BCO2: variants seen among roughly 807,000 people sequenced by gnomAD.
The protein encoded by BCO2 is beta-carotene oxygenase 2, also known as carotenoid-cleaving dioxygenase, mitochondrial.
In BCO2, 56 loss-of-function variants were observed where a neutral mutation model predicts 65.8. That is an observed-to-expected ratio of 0.85 (90% CI 0.69 to 1.06). The LOEUF (loss-of-function observed/expected upper bound fraction) is 1.06. Ranked by LOEUF, BCO2 falls within the 50% of genes least tolerant of loss-of-function variation. The pLI is 0.00. For missense variants in BCO2, 675 were observed against 698.5 expected (o/e 0.97, Z 0.38); for synonymous variants, 233 against 242.3 (o/e 0.96, Z 0.36).
At chr11:112,175,859 T>C (rs1866868739) in intron 1 of BCO2, 170 bp downstream of exon 1, 1 of 539,360 alleles carries the variant, frequency 1.9e-6, no homozygotes, top group African/African-American at 1.9e-5. Context: ...GAAGGCTGAG[T>C]TAGGATTGTT....
rs1867678387 is a variant in BCO2, at chr11:112,199,735, A to G, written c.773A>G (p.Lys258Arg). 3.1e-6 allele frequency: 5 copies of G among 1,613,710 alleles called. No individual in the cohort carries two copies. Among genetic ancestry groups the G allele is most frequent in the Non-Finnish European group, 4.2e-6 (5 of 1,179,722 alleles). Reference protein sequence around the residue: ...SYKVIRVPPEKVDLGETIHGV... With the variant: ...SYKVIRVPPERVDLGETIHGV... ...AAGGTTATTCGGGTTCCTCCAGAGAAGGTGGACCTTGGGGAGACAATCCAT... is the reference window on the plus strand; with the variant it reads ...AAGGTTATTCGGGTTCCTCCAGAGAGGGTGGACCTTGGGGAGACAATCCAT... The change falls in exon 6 of 12, where the codon AAG becomes AGG. Residue 258 changes from lysine (K) to arginine (R), a missense_variant. By Grantham distance (26) the Lys-to-Arg change is conservative. Transcript: ENST00000357685.
At chr11:112,182,768 G>A in intron 2 of BCO2, 2 of 579,828 alleles carry the variant, frequency 3.4e-6, no homozygotes, top group Non-Finnish European at 6.0e-6. Context: ...TGAGTTAATG[G>A]GTGCAGCACA....
chr11:112,207,841 T>G (rs1162811880), intron 8 of BCO2, among the ~76,000 whole-genome samples: 2 of 152,208 alleles, frequency 1.3e-5, no homozygotes, highest in Non-Finnish European at 2.9e-5. Flanking sequence ...TGTTTATAGT[T>G]TTCTGGTTAC....
Position 112,213,600 on chromosome 11 carries a change from T to A in BCO2, c.1195-124T>A, listed in dbSNP as rs1474572451. The A allele has an allele frequency of 9.3e-6, 10 of 1,076,120 alleles. No individual in the cohort carries two copies. In the East Asian group the frequency reaches 2.4e-4, roughly 26 times the overall value. 66.7% of individuals were successfully genotyped at this position (1,076,120 alleles called of 1,614,324 possible). On this transcript the variant is annotated intron_variant, in intron 8 of 11. Coordinates refer to ENST00000357685, the MANE Select transcript of BCO2 (RefSeq NM_031938.7). ...ACTCAACAAATATTAAGTAGATGAA[T>A]GAATGGAAATTATCATTTATTTAAA...
chr11:112,179,827 C>T, intron 2 of BCO2: 1 of 279,658 alleles, frequency 3.6e-6, no homozygotes, highest in Non-Finnish European at 7.0e-6. Context: ...CAGCACTTGC[C>T]AGACACATGG....
intron 7 of BCO2, among the ~76,000 whole-genome samples, chr11:112,201,340 G>A (rs1867727092): frequency 6.6e-6 from 1 of 151,912 alleles, no homozygotes; most frequent in Admixed American, 6.6e-5. Context: ...AGTAGAGACA[G>A]GGTTTCACCA....
At chr11:112,183,114 C>G in intron 2 of BCO2, 1 of 1,278,340 alleles carries the variant, frequency 7.8e-7, no homozygotes, top group Non-Finnish European at 1.1e-6. Flanking sequence ...AGAAGCCAAC[C>G]TGAGAGGGTC....
chr11:112,200,724 A>C lies in BCO2; in HGVS notation c.977A>C (p.Glu326Ala), dbSNP rs757607023. Residue 326 changes from glutamate (E) to alanine (A), a missense_variant, in exon 7 of 12, where the codon GAA (glutamate) becomes GCA (alanine). Glu to Ala is a moderately radical substitution (Grantham distance 107). Coordinates refer to ENST00000357685, the MANE Select transcript of BCO2 (RefSeq NM_031938.7). Reference protein sequence around the residue: ...GKAFSDGISWEPQCNTRFHVV... With the variant: ...GKAFSDGISWAPQCNTRFHVV... ...GCCTTTTCAGATGGGATAAGCTGGG[A>C]ACCCCAGTGTAATACGCGGTTTCAT... 4 of 1,614,024 alleles carry C rather than the reference A, an allele frequency of 2.5e-6. No homozygotes were observed. The South Asian group carries it at 4.4e-5, about 18-fold the overall frequency.
chr11:112,186,426 A>AT (rs1391848956), intron 2 of BCO2, among the ~76,000 whole-genome samples: 1 of 152,180 alleles, frequency 6.6e-6, no homozygotes, highest in Non-Finnish European at 1.5e-5. Flanking sequence ...CCTTGGACAG[A>AT]TATCTTTAGG....
At chr11:112,217,681 A>G in intron 11 of BCO2, 80 bp from the exon 12 acceptor site, 15 of 965,188 alleles carry the variant, frequency 1.6e-5, no homozygotes, top group Non-Finnish European at 2.4e-5. Flanking sequence ...CTCCATTAGG[A>G]ATTTTACAGC....
Position 112,193,952 on chromosome 11 carries a change from T to C in BCO2, c.591T>C (p.Phe197=). 1 of 1,611,660 alleles carries C rather than the reference T, an allele frequency of 6.2e-7. No individual in the cohort carries two copies. Among genetic ancestry groups the C allele is most frequent in the Non-Finnish European group, 8.5e-7 (1 of 1,177,744 alleles). The stretch of plus-strand genomic sequence containing the variant: ...ACTACCTCTGCACTGAGACCAACTT[T>C]ATGAATAAAGTGGACATTGAAACTC... ...GDYYLCTETN[F]MNKVDIETLE... The change falls in exon 4 of 12, where the codon TTT becomes TTC. Residue 197 remains phenylalanine (F), a synonymous_variant. Transcript: ENST00000357685.
At chr11:112,216,794 C>T (rs1859689925) in intron 11 of BCO2, among the ~76,000 whole-genome samples, 1 of 152,202 alleles carries the variant, frequency 6.6e-6, no homozygotes, top group Non-Finnish European at 1.5e-5. Flanking sequence ...TCCAGTGTCC[C>T]AATAACACTA....
Position 112,175,627 on chromosome 11 carries a change from T to A in BCO2, c.26T>A (p.Phe9Tyr). The A allele has an allele frequency of 6.2e-7, 1 of 1,614,040 alleles. No homozygotes were observed. Residue 9 changes from phenylalanine (F) to tyrosine (Y), a missense_variant, in exon 1 of 12, where the codon TTT becomes TAT. By Grantham distance (22) the Phe-to-Tyr change is conservative (BLOSUM62 3). Transcript: ENST00000357685. MFFRVFLH[F>Y]IRSHSATAVD... ...ATGTTTTTTCGAGTCTTTCTCCATT[T>A]TATCAGGAGTCATTCTGCCACTGCA... is the stretch of plus-strand genomic sequence containing the variant.
chr11:112,194,507 A>T, intron 4 of BCO2, 146 bp from the exon 5 acceptor site: 1 of 571,962 alleles, frequency 1.7e-6, no homozygotes, highest in South Asian at 2.2e-5. Flanking sequence ...AGTGGGAAAA[A>T]TAATTTTTAT....
intron 5 of BCO2, among the ~76,000 whole-genome samples, chr11:112,195,520 G>T (rs977042812): frequency 6.6e-6 from 1 of 151,838 alleles, no homozygotes; most frequent in Non-Finnish European, 1.5e-5. Flanking sequence ...TCAGCTCACT[G>T]CAACCTCCAC....
At chr11:112,210,918 T>A (rs549297759) in intron 8 of BCO2, among the ~76,000 whole-genome samples, 1 of 152,270 alleles carries the variant, frequency 6.6e-6, no homozygotes, top group African/African-American at 2.4e-5. Flanking sequence ...ATCTCTGTAT[T>A]ATTTCTTTTT....
chr11:112,178,875 TG>T (rs1440215618), intron 1 of BCO2, among the ~76,000 whole-genome samples: 4 of 152,240 alleles, frequency 2.6e-5, no homozygotes, highest in African/African-American at 7.2e-5. Context: ...TAATATTGAA[TG>T]GTGGTCATTT....
At chr11:112,181,112 A>T in intron 2 of BCO2, 1 of 1,472,518 alleles carries the variant, frequency 6.8e-7, no homozygotes, top group Non-Finnish European at 9.5e-7. Flanking sequence ...AGAACCTGAC[A>T]GTATGCTGGC....
intron 2 of BCO2, among the ~76,000 whole-genome samples, chr11:112,188,034 A>G (rs1434901825): frequency 6.6e-6 from 1 of 152,166 alleles, no homozygotes; most frequent in Non-Finnish European, 1.5e-5. Flanking sequence ...AAACTTATCT[A>G]GATACTCTCA....
Sources: gnomAD v4.1 joint callset for allele counts (sites outside exome capture counted in the v4.1 genomes callset) on GRCh38, gnomAD v4.1.1 for gene constraint, MANE v1.5 for transcripts, NCBI Gene and HGNC (gene_info 2026-07-23, HGNC 2026-07-21) for gene names.